NTM: variants seen among roughly 807,000 people sequenced by gnomAD.
NTM encodes the protein neurotrimin.
A neutral mutation model predicts 42.1 loss-of-function variants in NTM; 13 were observed. The observed-to-expected ratio is 0.31, with a 90% CI of 0.20 to 0.49. The LOEUF (loss-of-function observed/expected upper bound fraction) is 0.49, where lower values mean the gene tolerates loss of function less well. Ranked by LOEUF, NTM falls within the 20% of genes least tolerant of loss-of-function variation. The pLI is 0.99. For missense variants in NTM, 373 were observed against 452.8 expected, an observed-to-expected ratio of 0.82 and a Z score of 1.60; for synonymous variants, 187 against 179.2, an observed-to-expected ratio of 1.04 and a Z score of -0.35.
chr11:132,058,064 G>A (rs2079989029), intron 2 of NTM, among the ~76,000 whole-genome samples: 1 of 152,008 alleles, frequency 6.6e-6, no homozygotes, highest in African/African-American at 2.4e-5. Flanking sequence ...TCCTTTCCCT[G>A]TTAGCTCTGA....
intron 2 of NTM, among the ~76,000 whole-genome samples, chr11:132,040,719 C>T (rs1165020434): frequency 7.2e-5 from 11 of 152,154 alleles, no homozygotes; most frequent in Admixed American, 3.3e-4. Context: ...GAACAAAGCC[C>T]GCTCTGCTCT....
At chr11:132,004,117 G>T (rs1002954753) in intron 2 of NTM, among the ~76,000 whole-genome samples, 2 of 152,120 alleles carry the variant, frequency 1.3e-5, no homozygotes, top group Non-Finnish European at 2.9e-5. Flanking sequence ...GGGAAGGGAA[G>T]AAAGGAAAGA....
At chr11:131,897,150 C>T (rs532666089) in intron 1 of NTM, 1 of 152,350 alleles carries the variant, frequency 6.6e-6, no homozygotes, top group Middle Eastern at 3.4e-3. Context: ...TGACCAATAT[C>T]CAATCAATTT....
intron 1 of NTM, among the ~76,000 whole-genome samples, chr11:131,492,618 C>T (rs538858898): frequency 3.3e-5 from 5 of 152,212 alleles, no homozygotes; most frequent in South Asian, 2.1e-4. Context: ...TTGGCCCTTC[C>T]GATGCTAGGG....
intron 3 of NTM, among the ~76,000 whole-genome samples, chr11:132,182,735 G>T (rs1426344059): frequency 6.6e-6 from 1 of 152,136 alleles, no homozygotes; most frequent in Non-Finnish European, 1.5e-5. Context: ...TCCTTGGATG[G>T]TCCTCATTTC....
chr11:131,791,470 A>C (rs2136147283), intron 1 of NTM, among the ~76,000 whole-genome samples: 1 of 152,328 alleles, frequency 6.6e-6, no homozygotes, highest in East Asian at 1.9e-4. Context: ...TCACGGATGT[A>C]CAACTTATAA....
intron 2 of NTM, among the ~76,000 whole-genome samples, chr11:132,112,758 C>CAT (rs1555266520): frequency 3.5e-5 from 5 of 143,894 alleles, no homozygotes; most frequent in Non-Finnish European, 6.1e-5. Flanking sequence ...CACACACACA[C>CAT]ATTACATGGC....
At chr11:131,648,121 T>C (rs2066000962) in intron 1 of NTM, among the ~76,000 whole-genome samples, 1 of 152,194 alleles carries the variant, frequency 6.6e-6, no homozygotes, top group Admixed American at 6.5e-5. Context: ...TGGCTGTCTG[T>C]TCCTGCATTA....
chr11:131,985,218 CTTGGT>C (rs2065881242), intron 2 of NTM, among the ~76,000 whole-genome samples: 2 of 152,222 alleles, frequency 1.3e-5, no homozygotes, highest in African/African-American at 4.8e-5. Context: ...TCAGTAGGCA[CTTGGT>C]TTGTCATAGA....
chr11:132,228,382 C>T (rs540795303), intron 4 of NTM, among the ~76,000 whole-genome samples: 2 of 152,250 alleles, frequency 1.3e-5, no homozygotes, highest in South Asian at 2.1e-4. Context: ...ACCTGGAAAA[C>T]GTACCTGCCG....
chr11:131,582,926 A>G (rs1459691069), intron 1 of NTM, among the ~76,000 whole-genome samples: 1 of 152,174 alleles, frequency 6.6e-6, no homozygotes, highest in Non-Finnish European at 1.5e-5. Context: ...CTGTGGCTTC[A>G]TGGCCTGTAC....
intron 1 of NTM, among the ~76,000 whole-genome samples, chr11:131,691,778 G>A (rs1233560852): frequency 6.6e-6 from 1 of 152,220 alleles, no homozygotes; most frequent in South Asian, 2.1e-4. Context: ...GCGGTCCCGG[G>A]GCTGGGAGGG....
intron 1 of NTM, among the ~76,000 whole-genome samples, chr11:131,390,047 T>G (rs555563323): frequency 1.5e-4 from 23 of 152,302 alleles, no homozygotes; most frequent in African/African-American, 5.5e-4. Context: ...TACCTGAGAC[T>G]GGGCAATGTA....
At chr11:131,380,951 C>A (rs959046914) in intron 1 of NTM, among the ~76,000 whole-genome samples, 1 of 152,080 alleles carries the variant, frequency 6.6e-6, no homozygotes, top group Non-Finnish European at 1.5e-5. Flanking sequence ...TTTTTTAGAT[C>A]CTAAATCTTT....
At chr11:131,646,456 C>T (rs2065784874) in intron 1 of NTM, among the ~76,000 whole-genome samples, 3 of 152,190 alleles carry the variant, frequency 2.0e-5, no homozygotes, top group Non-Finnish European at 4.4e-5. Context: ...CTACTAGTAT[C>T]AGTTTGAAAA....
At chr11:132,038,270 G>A (rs934141940) in intron 2 of NTM, among the ~76,000 whole-genome samples, 25 of 152,198 alleles carry the variant, frequency 1.6e-4, no homozygotes, top group African/African-American at 6.0e-4. Flanking sequence ...GATGGTGCTC[G>A]CTGCCCTCAT....
In NTM at chr11:132,330,292, C is replaced by T. The variant is rs976818621; in HGVS notation, c.967+107C>T. ...TTCCTGAGCTAACTCCAGGAAGCAGCGCAGAGGGAACCCTCCCCCAACCTT... is the reference window on the plus strand; with the variant it reads ...TTCCTGAGCTAACTCCAGGAAGCAGTGCAGAGGGAACCCTCCCCCAACCTT... On this transcript the variant is annotated intron_variant, in intron 8 of 8. Coordinates refer to ENST00000683400, the MANE Select transcript of NTM (RefSeq NM_001352005.2). 7.0e-5 allele frequency: 90 copies of T among 1,281,812 alleles called. 1 individual carries two copies. The highest frequency in any genetic ancestry group is 5.7e-4 in the Middle Eastern group (3 of 5,304). The allele number at this position is 1,281,812 out of a possible 1,614,324, so 79.4% of individuals were successfully genotyped here. A position where few individuals can be genotyped will look rare whatever the true frequency, so the allele number is the denominator to read the frequency against.
At chr11:132,195,799 T>G (rs2138355664) in intron 3 of NTM, among the ~76,000 whole-genome samples, 1 of 152,268 alleles carries the variant, frequency 6.6e-6, no homozygotes, top group Middle Eastern at 3.4e-3. Flanking sequence ...TATACAAAAT[T>G]TAACTCAAGA....
intron 1 of NTM, among the ~76,000 whole-genome samples, chr11:131,761,158 G>A (rs1403903747): frequency 6.6e-6 from 1 of 152,184 alleles, no homozygotes; most frequent in East Asian, 1.9e-4. Flanking sequence ...GCAAGAGGCA[G>A]GGAGGAGAAT....
Sources: gnomAD v4.1 joint callset for allele counts (sites outside exome capture counted in the v4.1 genomes callset) on GRCh38, gnomAD v4.1.1 for gene constraint, MANE v1.5 for transcripts, NCBI Gene and HGNC (gene_info 2026-07-23, HGNC 2026-07-21) for gene names.